Variants in VWC2 observed in about 807,000 individuals in gnomAD.
VWC2 encodes von Willebrand factor C domain containing 2.
In VWC2, 14 loss-of-function variants were observed where a neutral mutation model predicts 29.8. The observed-to-expected ratio is 0.47, with a 90% CI of 0.31 to 0.74. VWC2 has a LOEUF of 0.74. Ranked by LOEUF, VWC2 falls within the 30% of genes least tolerant of loss-of-function variation. The pLI, the probability that VWC2 is intolerant of heterozygous loss-of-function variation, is 0.05. For synonymous variants in VWC2, 213 were observed against 199.0 expected, an observed-to-expected ratio of 1.07 and a Z score of -0.59; for missense variants, 457 against 459.8, an observed-to-expected ratio of 0.99 and a Z score of 0.05.
chr7:49,815,974 G>A (rs1025587300), intron 3 of VWC2, among the ~76,000 whole-genome samples: 1 of 152,174 alleles, frequency 6.6e-6, no homozygotes, highest in African/African-American at 2.4e-5. Flanking sequence ...GAAGGACACA[G>A]CATTGAGCAA....
chr7:49,787,247 C>T (rs1016881811), intron 2 of VWC2, among the ~76,000 whole-genome samples: 1 of 152,326 alleles, frequency 6.6e-6, no homozygotes, highest in Non-Finnish European at 1.5e-5. Context: ...GTACCTTCAA[C>T]CATACCAAAC....
intron 3 of VWC2, among the ~76,000 whole-genome samples, chr7:49,831,826 G>A (rs1789535386): frequency 6.6e-6 from 1 of 152,194 alleles, no homozygotes; most frequent in South Asian, 2.1e-4. Flanking sequence ...AAAGACTATT[G>A]CAAGTGGAAG....
chr7:49,921,356 A>G lies in VWC2; in HGVS notation c.*9171A>G, dbSNP rs1460223748. ...CTATAGAGACATAGTCTCTAGAAAC[A>G]AAGGCCAGAGCATCCTTTTAACATT... On this transcript the variant is annotated 3_prime_UTR_variant, in exon 4 of 4. Transcript: ENST00000340652. 1 of 152,232 alleles carries G rather than the reference A, an allele frequency of 6.6e-6. No homozygotes were observed. The highest frequency in any genetic ancestry group is 2.4e-5 in the African/African-American group (1 of 41,448). 9.4% of individuals were successfully genotyped at this position (152,232 alleles called of 1,614,324 possible).
At chr7:49,779,108 A>G (rs956337713) in intron 2 of VWC2, among the ~76,000 whole-genome samples, 1 of 151,630 alleles carries the variant, frequency 6.6e-6, no homozygotes, top group Non-Finnish European at 1.5e-5. Context: ...TGGAGGCTTG[A>G]CCCTCTTTGA....
Position 49,869,250 on chromosome 7 carries a change from A to C in VWC2, c.827-42784A>C, listed in dbSNP as rs933257348. Among the ~76,000 whole-genome samples, 68 of 152,196 alleles carry C rather than the reference A, an allele frequency of 4.5e-4. 1 individual carries two copies. The highest frequency in any genetic ancestry group is 3.4e-4 in the Non-Finnish European group (23 of 68,036). Reference sequence around the variant, plus strand: ...ATAATTCCATGAGATAATTGTTATAAATTAAGCCTTTGCAAAATACACAGT... The same window carrying C: ...ATAATTCCATGAGATAATTGTTATACATTAAGCCTTTGCAAAATACACAGT... On this transcript the variant is annotated intron_variant, in intron 3 of 3. Transcript: ENST00000340652.
At chr7:49,816,445 G>T (rs1241010751) in intron 3 of VWC2, among the ~76,000 whole-genome samples, 1 of 152,172 alleles carries the variant, frequency 6.6e-6, no homozygotes, top group East Asian at 1.9e-4. Context: ...CTTCATGGTT[G>T]ACCATACAAG....
intron 3 of VWC2, among the ~76,000 whole-genome samples, chr7:49,857,930 T>G (rs1790489448): frequency 6.6e-6 from 1 of 152,188 alleles, no homozygotes; most frequent in African/African-American, 2.4e-5. Flanking sequence ...CTACTGATGC[T>G]GATACATCAG....
At position 49,918,503 on chromosome 7, in the gene VWC2, T is replaced by C. The variant is rs1302384210; in HGVS notation, c.*6318T>C. 6.6e-6 allele frequency: 1 copy of C among 152,220 alleles called. No individual in the cohort carries two copies. The highest frequency in any genetic ancestry group is 6.5e-5 in the Admixed American group (1 of 15,284). 9.4% of individuals were successfully genotyped at this position (152,220 alleles called of 1,614,324 possible). A position where few individuals can be genotyped will look rare whatever the true frequency, so the allele number is the denominator to read the frequency against. The stretch of plus-strand genomic sequence containing the variant: ...CCCTAGTCTAAATGCTTATGCTATA[T>C]TTTGTTTCCTAAATCTAGAGATCTC... On this transcript the variant is annotated 3_prime_UTR_variant, in exon 4 of 4. Coordinates refer to ENST00000340652, the MANE Select transcript of VWC2 (RefSeq NM_198570.5).
chr7:49,910,935 C>T (rs1715529911), intron 3 of VWC2, among the ~76,000 whole-genome samples: 1 of 152,176 alleles, frequency 6.6e-6, no homozygotes, highest in South Asian at 2.1e-4. Context: ...CAACAGCCCT[C>T]CAGGCCATTG....
At chr7:49,837,167 G>A (rs1270743222) in intron 3 of VWC2, among the ~76,000 whole-genome samples, 1 of 152,174 alleles carries the variant, frequency 6.6e-6, no homozygotes, top group Non-Finnish European at 1.5e-5. Flanking sequence ...ATAGAGATGT[G>A]CAGACTTTAA....
intron 3 of VWC2, among the ~76,000 whole-genome samples, chr7:49,888,023 T>G (rs1791972668): frequency 6.6e-6 from 1 of 152,226 alleles, no homozygotes; most frequent in Admixed American, 6.5e-5. Flanking sequence ...TTGTCCTTGT[T>G]GCTAGAGGCA....
intron 3 of VWC2, among the ~76,000 whole-genome samples, chr7:49,903,097 A>T (rs527568909): frequency 6.6e-6 from 1 of 152,200 alleles, no homozygotes; most frequent in Non-Finnish European, 1.5e-5. Flanking sequence ...TAAAACAAAA[A>T]CTTGTGACAA....
intron 3 of VWC2, among the ~76,000 whole-genome samples, chr7:49,814,337 G>T (rs1789083615): frequency 1.3e-5 from 2 of 152,132 alleles, no homozygotes; most frequent in Non-Finnish European, 2.9e-5. Flanking sequence ...AAAGAGTTCA[G>T]ATAGTACTCC....
chr7:49,920,697 TTTAA>T lies in VWC2; in HGVS notation c.*8515_*8518del, dbSNP rs1201733214. On this transcript the variant is annotated 3_prime_UTR_variant, in exon 4 of 4. Transcript: ENST00000340652. Reference sequence around the variant, plus strand: ...ATAGCATGAATAAAACACATATGTATTTAATTGTGTTATTTACTATTTATAATTT... The same window carrying T: ...ATAGCATGAATAAAACACATATGTATTTGTGTTATTTACTATTTATAATTT... 10 of 147,000 alleles carry T rather than the reference TTTAA, an allele frequency of 6.8e-5. No individual in the cohort carries two copies. The highest frequency in any genetic ancestry group is 6.0e-5 in the Non-Finnish European group (4 of 67,078). 9.1% of individuals were successfully genotyped at this position (147,000 alleles called of 1,614,324 possible).
chr7:49,892,490 TA>T (rs1244641354), intron 3 of VWC2, among the ~76,000 whole-genome samples: 4 of 152,206 alleles, frequency 2.6e-5, no homozygotes, highest in African/African-American at 9.7e-5. Context: ...TATGATTATC[TA>T]AGGAGTGCAG....
intron 3 of VWC2, among the ~76,000 whole-genome samples, chr7:49,861,196 A>C (rs1055168987): frequency 2.0e-5 from 3 of 152,166 alleles, no homozygotes; most frequent in Non-Finnish European, 4.4e-5. Flanking sequence ...TTATTGCTAT[A>C]ACCATCTTAG....
At chr7:49,853,888 C>T (rs1399503969) in intron 3 of VWC2, among the ~76,000 whole-genome samples, 8 of 141,736 alleles carry the variant, frequency 5.6e-5, no homozygotes, top group Middle Eastern at 3.4e-3. Flanking sequence ...CAACAGGCCC[C>T]GGTGTGTGAT....
chr7:49,873,308 C>G (rs1055901263), intron 3 of VWC2, among the ~76,000 whole-genome samples: 1 of 152,156 alleles, frequency 6.6e-6, no homozygotes, highest in East Asian at 1.9e-4. Flanking sequence ...GGGCCTGCTT[C>G]CTGGTTCATG....
intron 3 of VWC2, among the ~76,000 whole-genome samples, chr7:49,822,799 T>A (rs1223188715): frequency 6.6e-6 from 1 of 152,238 alleles, no homozygotes; most frequent in African/African-American, 2.4e-5. Context: ...CTTCTTTCAC[T>A]TGGTGATGTT....
Sources: allele counts gnomAD v4.1 joint callset (sites outside exome capture counted in the v4.1 genomes callset), GRCh38; gene constraint gnomAD v4.1.1; transcripts MANE v1.5; gene names NCBI Gene and HGNC (gene_info 2026-07-23, HGNC 2026-07-21).